The following NUMB variants were observed in gnomAD, a reference collection of about 807,000 sequenced individuals.
NUMB encodes the protein NUMB endocytic adaptor protein, also known as protein numb homolog.
A neutral mutation model predicts 59.7 loss-of-function variants in NUMB; 29 were observed. That is an observed-to-expected ratio of 0.49 (90% CI 0.36 to 0.66). NUMB has a LOEUF of 0.66. Ranked by LOEUF, NUMB falls within the 30% of genes least tolerant of loss-of-function variation. NUMB has a pLI of 0.00. For synonymous variants in NUMB, 288 were observed against 288.2 expected, an observed-to-expected ratio of 1.00 and a Z score of 0.01; for missense variants, 723 against 822.0, an observed-to-expected ratio of 0.88 and a Z score of 1.47.
Position 73,392,439 on chromosome 14 carries a change from G to C in NUMB, c.-101+17498C>G, listed in dbSNP as rs1895900717. On this transcript the variant is annotated intron_variant, in intron 2 of 12. Coordinates refer to ENST00000555238, the MANE Select transcript of NUMB (RefSeq NM_001005743.2). The stretch of plus-strand genomic sequence containing the variant: ...CATGATAACATTTGAAAGAGAAATA[G>C]ATTTTCAGATGAGAAGACATTTTGG... Among the ~76,000 whole-genome samples the C allele has an allele frequency of 3.3e-5, 5 of 152,180 alleles. 1 individual carries two copies. In the South Asian group the frequency reaches 1.0e-3, roughly 31 times the overall value.
intron 5 of NUMB, among the ~76,000 whole-genome samples, chr14:73,321,932 A>C (rs1392684979): frequency 1.3e-5 from 2 of 152,302 alleles, no homozygotes; most frequent in East Asian, 3.9e-4. Flanking sequence ...TATTTATCCC[A>C]AAATTAAATC....
chr14:73,394,987 A>G (rs937230862), intron 2 of NUMB, among the ~76,000 whole-genome samples: 1 of 150,016 alleles, frequency 6.7e-6, no homozygotes, highest in Non-Finnish European at 1.5e-5. Context: ...GTTCATCCAC[A>G]ATGTTGCAAA....
intron 6 of NUMB, among the ~76,000 whole-genome samples, chr14:73,312,807 T>C (rs538032896): frequency 7.9e-5 from 12 of 152,016 alleles, no homozygotes; most frequent in Non-Finnish European, 1.6e-4. Context: ...TATTTCTTTT[T>C]ACGTTAAAAA....
chr14:73,306,475 A>G (rs1890433373), intron 6 of NUMB, among the ~76,000 whole-genome samples: 1 of 152,230 alleles, frequency 6.6e-6, no homozygotes, highest in Non-Finnish European at 1.5e-5. Context: ...GTCATCCATG[A>G]ACGAAATCTG....
chr14:73,456,666 G>T (rs1884395559), intron 1 of NUMB, among the ~76,000 whole-genome samples: 1 of 152,186 alleles, frequency 6.6e-6, no homozygotes, highest in African/African-American at 2.4e-5. Flanking sequence ...GGCTAAAAAT[G>T]AGTATCCTTT....
At chr14:73,352,636 G>A (rs1436958621) in intron 4 of NUMB, among the ~76,000 whole-genome samples, 2 of 141,440 alleles carry the variant, frequency 1.4e-5, no homozygotes, top group East Asian at 2.1e-4. Context: ...CCTGGTTCAC[G>A]CGATTCTCCT....
At chr14:73,295,632 T>C (rs1400171537) in intron 7 of NUMB, among the ~76,000 whole-genome samples, 4 of 152,146 alleles carry the variant, frequency 2.6e-5, no homozygotes, top group Non-Finnish European at 5.9e-5. Flanking sequence ...CCACTTGAAA[T>C]TTACCAGGCA....
At chr14:73,377,349 T>C (rs1356136339) in intron 2 of NUMB, among the ~76,000 whole-genome samples, 1 of 152,192 alleles carries the variant, frequency 6.6e-6, no homozygotes, top group African/African-American at 2.4e-5. Flanking sequence ...TAAAGGACTA[T>C]TATCCAGGCT....
chr14:73,284,913 T>C (rs912752257), intron 9 of NUMB: 1 of 152,468 alleles, frequency 6.6e-6, no homozygotes, highest in Admixed American at 6.5e-5. Context: ...AATGGCACCA[T>C]CTTGGCTCAC....
Position 73,357,975 on chromosome 14 carries a change from G to A in NUMB, c.-15-2209C>T, listed in dbSNP as rs536727450. 3.3e-5 allele frequency among the ~76,000 whole-genome samples: 5 copies of A among 149,572 alleles called. No homozygotes were observed. In the East Asian group the frequency reaches 9.9e-4, roughly 30 times the overall value. On this transcript the variant is annotated intron_variant, in intron 3 of 12. Transcript: ENST00000555238. Reference sequence around the variant, plus strand: ...TTCTTCATTTCTTCGTCTTAGCAAAGACAACTACTCACCTACCTACTCGGC... The same window carrying A: ...TTCTTCATTTCTTCGTCTTAGCAAAAACAACTACTCACCTACCTACTCGGC...
chr14:73,431,709 A>C (rs1897838447), intron 1 of NUMB, among the ~76,000 whole-genome samples: 1 of 152,010 alleles, frequency 6.6e-6, no homozygotes, highest in Non-Finnish European at 1.5e-5. Context: ...AGATCACGCC[A>C]CTGCACTCCA....
intron 5 of NUMB, among the ~76,000 whole-genome samples, chr14:73,321,792 A>G (rs910537371): frequency 7.2e-5 from 11 of 152,222 alleles, no homozygotes; most frequent in Admixed American, 4.6e-4. Context: ...AATCTGAGAT[A>G]AAGAGTATGT....
intron 2 of NUMB, among the ~76,000 whole-genome samples, chr14:73,386,455 A>AT (rs934910934): frequency 1.4e-4 from 21 of 151,742 alleles, no homozygotes; most frequent in African/African-American, 2.9e-4. Context: ...ACAATTCCAG[A>AT]TTTTTTTTTA....
chr14:73,293,393 CTTT>C (rs56116167), intron 7 of NUMB, among the ~76,000 whole-genome samples: 7 of 95,566 alleles, frequency 7.3e-5, no homozygotes, highest in African/African-American at 1.5e-4. Context: ...GTTTCTTTTT[CTTT>C]TTTTTTTTTT....
intron 2 of NUMB, among the ~76,000 whole-genome samples, chr14:73,402,681 C>T (rs1187022368): frequency 6.6e-6 from 1 of 152,150 alleles, no homozygotes; most frequent in Admixed American, 6.5e-5. Flanking sequence ...TCACGACTGC[C>T]TTGAAAGTCA....
chr14:73,329,557 G>A (rs11625692), intron 4 of NUMB, among the ~76,000 whole-genome samples: 37,630 of 151,878 alleles, frequency 0.25, 5,457 homozygotes, highest in East Asian at 0.68. Flanking sequence ...CTATGGATGC[G>A]GAGGGCTGAG....
chr14:73,282,104 G>C (rs987030442), intron 11 of NUMB: 4 of 402,474 alleles, frequency 9.9e-6, no homozygotes, highest in African/African-American at 6.1e-5. Flanking sequence ...AGTAGGTTGG[G>C]ACTACAGAAA....
intron 5 of NUMB, among the ~76,000 whole-genome samples, chr14:73,319,037 G>C (rs1008489419): frequency 4.6e-5 from 7 of 152,082 alleles, no homozygotes; most frequent in African/African-American, 1.7e-4. Context: ...ACTTTGGGAG[G>C]CCCAGGCTGG....
At chr14:73,349,377 CAGG>C (rs1298956932) in intron 4 of NUMB, among the ~76,000 whole-genome samples, 1 of 151,810 alleles carries the variant, frequency 6.6e-6, no homozygotes, top group East Asian at 1.9e-4. Context: ...CATCTGAGGT[CAGG>C]AGTTCATGAC....
Sources: gnomAD v4.1 joint callset for allele counts (sites outside exome capture counted in the v4.1 genomes callset) on GRCh38, gnomAD v4.1.1 for gene constraint, MANE v1.5 for transcripts, NCBI Gene and HGNC (gene_info 2026-07-23, HGNC 2026-07-21) for gene names.